The following NUCB2 variants were observed in gnomAD, a reference collection of about 807,000 sequenced individuals.
The protein encoded by NUCB2 is nucleobindin 2.
Under a neutral mutation model 57.9 loss-of-function variants are expected in NUCB2, and 48 were observed. The observed-to-expected ratio is 0.83, with a 90% confidence interval of 0.66 to 1.05. The LOEUF (loss-of-function observed/expected upper bound fraction) is 1.05. Ranked by LOEUF, NUCB2 falls within the 50% of genes least tolerant of loss-of-function variation. The pLI, the probability that NUCB2 is intolerant of heterozygous loss-of-function variation, is 0.00. For missense variants in NUCB2, 442 were observed against 476.2 expected (o/e 0.93, Z 0.67); for synonymous variants, 139 against 152.1 (o/e 0.91, Z 0.64).
At chr11:17,325,297 CTAT>C (rs1227801820) in intron 11 of NUCB2, among the ~76,000 whole-genome samples, 3 of 152,172 alleles carry the variant, frequency 2.0e-5, no homozygotes, top group Admixed American at 6.6e-5. Flanking sequence ...AAATCTTCAG[CTAT>C]TATTGTATTG....
intron 4 of NUCB2, among the ~76,000 whole-genome samples, chr11:17,301,192 C>T (rs186172965): frequency 2.0e-5 from 3 of 150,854 alleles, no homozygotes; most frequent in African/African-American, 7.3e-5. Flanking sequence ...GGGCTGGTCT[C>T]GAACTCCTGA....
chr11:17,300,037 G>C (rs577237225), intron 4 of NUCB2, among the ~76,000 whole-genome samples: 3 of 151,756 alleles, frequency 2.0e-5, no homozygotes, highest in Non-Finnish European at 4.4e-5. Context: ...TTGAGATGGA[G>C]TCTTGCTCTG....
In NUCB2 at chr11:17,296,162, A is replaced by G; in HGVS notation, c.203A>G (p.Asp68Gly). 1 of 1,612,506 alleles carries G rather than the reference A, an allele frequency of 6.2e-7. No individual in the cohort carries two copies. The highest frequency in any genetic ancestry group is 8.5e-7 in the Non-Finnish European group (1 of 1,179,126). ...CAAGTGATTGATGTGCTGGAAACAG[A>G]TAAACACTTCAGAGAAAAGCTCCAG... is the stretch of plus-strand genomic sequence containing the variant. ...LKQVIDVLET[D>G]KHFREKLQKA... The change falls in exon 4 of 14, where the codon GAT becomes GGT. Residue 68 changes from aspartate (D) to glycine (G), a missense_variant. Transcript: ENST00000529010.
intron 5 of NUCB2, among the ~76,000 whole-genome samples, chr11:17,306,505 A>G (rs1034846700): frequency 6.6e-6 from 1 of 152,232 alleles, no homozygotes; most frequent in African/African-American, 2.4e-5. Context: ...AGGTAATTCC[A>G]TACTTAAAGC....
chr11:17,342,181 A>G (rs1952327069), intron 2 of NUCB2, among the ~76,000 whole-genome samples: 1 of 151,940 alleles, frequency 6.6e-6, no homozygotes, highest in Non-Finnish European at 1.5e-5. Context: ...ATCATTTTTT[A>G]TTGCATCTAT....
chr11:17,319,611 T>C (rs1270135636), intron 11 of NUCB2, among the ~76,000 whole-genome samples: 2 of 152,216 alleles, frequency 1.3e-5, no homozygotes, highest in Admixed American at 1.3e-4. Context: ...TACACACATA[T>C]ACCCACCTAT....
chr11:17,341,373 AG>A (rs1394856733), intron 2 of NUCB2, among the ~76,000 whole-genome samples: 1 of 151,668 alleles, frequency 6.6e-6, no homozygotes, highest in Non-Finnish European at 1.5e-5. Flanking sequence ...GTGGTGAGAG[AG>A]GGCATCCCTG....
At chr11:17,315,769 A>C (rs978267541) in intron 11 of NUCB2, among the ~76,000 whole-genome samples, 16 of 152,208 alleles carry the variant, frequency 1.1e-4, no homozygotes, top group Admixed American at 8.5e-4. Flanking sequence ...TATTGAAAGA[A>C]TAAATTAGAA....
In NUCB2 at chr11:17,343,204, T is replaced by A. The variant is rs181066203; in HGVS notation, n.2626+5670T>A. Among the ~76,000 whole-genome samples, 911 of 152,264 alleles carry A rather than the reference T, an allele frequency of 6.0e-3. 4 individuals carry two copies. Among genetic ancestry groups the A allele is most frequent in the Non-Finnish European group, 9.8e-3 (668 of 68,026 alleles). On this transcript the variant is annotated intron_variant and non_coding_transcript_variant, in intron 2 of 2. Coordinates refer to the NUCB2 transcript ENST00000532240. ...CATCCCTTTATTTTGAGCCTATGTG[T>A]GTCTCTGCACATGAGATGGGTTTCC...
intron 2 of NUCB2, among the ~76,000 whole-genome samples, chr11:17,345,475 A>G (rs1033224511): frequency 4.6e-5 from 7 of 152,278 alleles, no homozygotes; most frequent in South Asian, 2.1e-4. Context: ...TTGGGAGGCC[A>G]AGGCGGGTGG....
chr11:17,314,856 G>A (rs543151073), intron 10 of NUCB2, among the ~76,000 whole-genome samples: 38 of 152,278 alleles, frequency 2.5e-4, no homozygotes, highest in Non-Finnish European at 3.5e-4. Context: ...CCTTTGTAAC[G>A]AAATTTGCCA....
intron 2 of NUCB2, among the ~76,000 whole-genome samples, chr11:17,288,552 C>CTTTTTTTTTTTTTTTTTTTTTTTT (rs1362783048): frequency 1.2e-4 from 12 of 101,174 alleles, no homozygotes; most frequent in Non-Finnish European, 2.0e-4. Context: ...TCTTCTTCTT[C>CTTTTTTTTTTTTTTTTTTTTTTTT]TTTTTTTTTT....
chr11:17,308,361 A>G (rs1948002189), intron 5 of NUCB2, among the ~76,000 whole-genome samples: 1 of 152,238 alleles, frequency 6.6e-6, no homozygotes, highest in Non-Finnish European at 1.5e-5. Flanking sequence ...GTCTATACAC[A>G]TAGACACATA....
intron 1 of NUCB2, chr11:17,278,557 C>T (rs1489571915): frequency 2.6e-5 from 4 of 152,076 alleles, no homozygotes; most frequent in East Asian, 1.9e-4. Context: ...GTTCATATCA[C>T]GTATTTTGTA....
chr11:17,295,702 T>G (rs1242438604), intron 3 of NUCB2: 12 of 462,294 alleles, frequency 2.6e-5, no homozygotes, highest in Non-Finnish European at 4.2e-5. Context: ...CAATATTTAT[T>G]TAATATAGTT....
At chr11:17,276,992 C>T (rs1941454031) in intron 1 of NUCB2, 164 bp downstream of exon 1, 2 of 152,416 alleles carry the variant, frequency 1.3e-5, no homozygotes, top group Admixed American at 6.5e-5. Flanking sequence ...GCTCCCAGCG[C>T]GAGCCGGAGG....
chr11:17,327,599 A>G (rs998857077), intron 11 of NUCB2, among the ~76,000 whole-genome samples: 2 of 152,084 alleles, frequency 1.3e-5, no homozygotes, highest in Non-Finnish European at 2.9e-5. Context: ...TCTTGTAAGC[A>G]TGCTTTCATT....
chr11:17,316,520 A>C (rs60142717), intron 11 of NUCB2, among the ~76,000 whole-genome samples: 1 of 152,188 alleles, frequency 6.6e-6, no homozygotes, highest in Non-Finnish European at 1.5e-5. Flanking sequence ...TATGATGACT[A>C]TCTGTTTCTT....
intron 4 of NUCB2, among the ~76,000 whole-genome samples, chr11:17,297,364 T>C (rs1318423732): frequency 6.6e-6 from 1 of 152,184 alleles, no homozygotes; most frequent in Non-Finnish European, 1.5e-5. Flanking sequence ...TGACTCCCGT[T>C]AGGTTGTGGT....
Sources: gnomAD v4.1 joint callset for allele counts (sites outside exome capture counted in the v4.1 genomes callset) on GRCh38, gnomAD v4.1.1 for gene constraint, MANE v1.5 for transcripts, NCBI Gene and HGNC (gene_info 2026-07-23, HGNC 2026-07-21) for gene names.